The following LSAMP variants were observed in gnomAD, a reference collection of about 807,000 sequenced individuals.
The protein encoded by LSAMP is limbic system associated membrane protein.
LSAMP carries 7 observed loss-of-function variants against 38.6 expected under a neutral mutation model. That is an observed-to-expected ratio of 0.18 (90% CI 0.10 to 0.34). LSAMP has a LOEUF of 0.34. LSAMP is among the 10% of genes least tolerant of loss of function. LSAMP has a pLI of 1.00. For missense variants in LSAMP, 313 were observed against 420.0 expected (o/e 0.75, Z 2.23); for synonymous variants, 154 against 166.8 (o/e 0.92, Z 0.59).
chr3:115,961,374 C>T (rs149582843), intron 3 of LSAMP, among the ~76,000 whole-genome samples: 1 of 152,250 alleles, frequency 6.6e-6, no homozygotes, highest in Non-Finnish European at 1.5e-5. Context: ...TCCTCTTCTC[C>T]CAGGATGAGC....
At chr3:115,839,050 CCA>C (rs1225545428) in intron 6 of LSAMP, among the ~76,000 whole-genome samples, 2 of 152,140 alleles carry the variant, frequency 1.3e-5, no homozygotes, top group East Asian at 1.9e-4. Flanking sequence ...AGGGCCGTGG[CCA>C]CAGACACCTG....
At position 116,175,001 on chromosome 3, in the gene LSAMP, C is replaced by T. The variant is rs572413430; in HGVS notation, c.156-88445G>A. On this transcript the variant is annotated intron_variant, in intron 1 of 6. Coordinates refer to ENST00000490035, the MANE Select transcript of LSAMP (RefSeq NM_002338.5). ...CCACTATCCACCTTCTCAAATGTCTCCTCCATCAATATGAGGACAAGTCTA... is the reference window on the plus strand; with the variant it reads ...CCACTATCCACCTTCTCAAATGTCTTCTCCATCAATATGAGGACAAGTCTA... 2.6e-5 allele frequency among the ~76,000 whole-genome samples: 4 copies of T among 152,188 alleles called. No individual in the cohort carries two copies. In the South Asian group the frequency reaches 8.3e-4, roughly 32 times the overall value.
intron 2 of LSAMP, among the ~76,000 whole-genome samples, chr3:116,029,678 A>G (rs1350179824): frequency 6.6e-6 from 1 of 152,278 alleles, no homozygotes; most frequent in East Asian, 1.9e-4. Context: ...TATGGTCAAG[A>G]AAAAGTCATC....
rs1346588477 is a variant in LSAMP, at chr3:116,411,595, G to C, written c.155+33282C>G. Among the ~76,000 whole-genome samples the C allele has an allele frequency of 1.0e-4, 13 of 127,506 alleles. No homozygotes were observed. In the Admixed American group the frequency reaches 1.2e-3, roughly 12 times the overall value. 83.6% of individuals were successfully genotyped at this position (127,506 alleles called of 152,430 possible). A position where few individuals can be genotyped will look rare whatever the true frequency, so the allele number is the denominator to read the frequency against. On this transcript the variant is annotated intron_variant, in intron 1 of 6. Transcript: ENST00000490035. ...GAACAATGAGAACACACAGACACAGGAAGGGGAACATCTCACTCTGGGGAC... is the reference window on the plus strand; with the variant it reads ...GAACAATGAGAACACACAGACACAGCAAGGGGAACATCTCACTCTGGGGAC...
At chr3:116,400,700 A>C (rs2048828418) in intron 1 of LSAMP, among the ~76,000 whole-genome samples, 1 of 151,566 alleles carries the variant, frequency 6.6e-6, no homozygotes, top group Non-Finnish European at 1.5e-5. Context: ...CTGTTCTCAA[A>C]CTCCTGACCT....
intron 1 of LSAMP, among the ~76,000 whole-genome samples, chr3:116,317,535 T>A (rs1212332911): frequency 6.6e-6 from 1 of 151,888 alleles, no homozygotes; most frequent in South Asian, 2.1e-4. Flanking sequence ...TTTTGTATTT[T>A]CAGTAGAGAC....
At chr3:116,165,689 G>A (rs1328209949) in intron 1 of LSAMP, among the ~76,000 whole-genome samples, 2 of 152,182 alleles carry the variant, frequency 1.3e-5, no homozygotes, top group African/African-American at 4.8e-5. Flanking sequence ...AGAAATGTGA[G>A]CAGGGCAGGC....
At chr3:116,085,007 A>G (rs1707956567) in intron 2 of LSAMP, among the ~76,000 whole-genome samples, 1 of 151,938 alleles carries the variant, frequency 6.6e-6, no homozygotes, top group Non-Finnish European at 1.5e-5. Flanking sequence ...ATTTGTTTTG[A>G]GGGAGTTGGT....
intron 1 of LSAMP, among the ~76,000 whole-genome samples, chr3:116,150,971 C>T (rs965544799): frequency 2.0e-5 from 3 of 151,964 alleles, no homozygotes; most frequent in African/African-American, 7.2e-5. Context: ...TGGTGCCTTA[C>T]TGGATCCGTT....
chr3:116,173,773 G>A (rs1710266326), intron 1 of LSAMP, among the ~76,000 whole-genome samples: 1 of 97,758 alleles, frequency 1.0e-5, no homozygotes, highest in Non-Finnish European at 2.0e-5. Flanking sequence ...GAAGAAGAGG[G>A]GAAAACATTT....
chr3:116,273,251 C>T, intron 1 of LSAMP, among the ~76,000 whole-genome samples: 1 of 151,966 alleles, frequency 6.6e-6, no homozygotes, highest in East Asian at 1.9e-4. Context: ...CCACGGTTTC[C>T]CATTCTCATC....
rs571156595 is a variant in LSAMP, at chr3:116,146,376, G to A, written c.156-59820C>T. Among the ~76,000 whole-genome samples, 17 of 151,874 alleles carry A rather than the reference G, an allele frequency of 1.1e-4. No homozygotes were observed. The East Asian group carries it at 3.3e-3, about 30-fold the overall frequency. ...TCAGCTCTTTGCTACTTTTAAAATTGGGCTTGGAACAGAGCTATTAGCATG... is the reference window on the plus strand; with the variant it reads ...TCAGCTCTTTGCTACTTTTAAAATTAGGCTTGGAACAGAGCTATTAGCATG... On this transcript the variant is annotated intron_variant, in intron 1 of 6. Coordinates refer to ENST00000490035, the MANE Select transcript of LSAMP (RefSeq NM_002338.5).
chr3:116,140,781 GTATC>G (rs1460814285), intron 1 of LSAMP, among the ~76,000 whole-genome samples: 3 of 151,872 alleles, frequency 2.0e-5, no homozygotes, highest in Non-Finnish European at 4.4e-5. Flanking sequence ...GATAAAATGA[GTATC>G]TGAGATTCAT....
intron 1 of LSAMP, among the ~76,000 whole-genome samples, chr3:116,285,639 C>A (rs952762672): frequency 7.2e-5 from 11 of 152,132 alleles, no homozygotes; most frequent in Middle Eastern, 3.4e-3. Flanking sequence ...TATTTGCTGT[C>A]TTTTCTCATT....
At chr3:116,300,122 G>C (rs781191293) in intron 1 of LSAMP, among the ~76,000 whole-genome samples, 4 of 152,170 alleles carry the variant, frequency 2.6e-5, no homozygotes, top group Non-Finnish European at 5.9e-5. Flanking sequence ...GTTGGGCTCA[G>C]TAAACATTAC....
At chr3:116,124,039 T>C (rs982746976) in intron 1 of LSAMP, among the ~76,000 whole-genome samples, 4 of 152,212 alleles carry the variant, frequency 2.6e-5, no homozygotes, top group Non-Finnish European at 5.9e-5. Context: ...GTTGACTCTC[T>C]AGGCAGAGAA....
rs1230035104 is a variant in LSAMP, at chr3:116,445,002, T to C, written c.30A>G (p.Lys10=). 6.2e-7 allele frequency: 1 copy of C among 1,613,956 alleles called. No homozygotes were observed. The highest frequency in any genetic ancestry group is 1.1e-5 in the South Asian group (1 of 91,056). The change falls in exon 1 of 7, where the codon AAA becomes AAG. Residue 10 remains lysine, a synonymous_variant. Coordinates refer to ENST00000490035, the MANE Select transcript of LSAMP (RefSeq NM_002338.5). ...ATCTCAGTAGGACCAGTGGCAACTG[T>C]TTCCGATCCGGCTGAACTCTCCTGA... The part of the protein sequence containing the change: MVRRVQPDR[K]QLPLVLLRLL...
At chr3:115,812,538 C>G (rs1374023566) in intron 6 of LSAMP, among the ~76,000 whole-genome samples, 1 of 152,074 alleles carries the variant, frequency 6.6e-6, no homozygotes. Flanking sequence ...GCAACTTCCC[C>G]CAGGGCTTTT....
intron 1 of LSAMP, among the ~76,000 whole-genome samples, chr3:116,245,620 G>A (rs750863812): frequency 4.6e-5 from 7 of 151,982 alleles, no homozygotes; most frequent in Non-Finnish European, 8.8e-5. Context: ...AGTATGTATT[G>A]TTCCCTCTGC....
Sources: gnomAD v4.1 joint callset for allele counts (sites outside exome capture counted in the v4.1 genomes callset) on GRCh38, gnomAD v4.1.1 for gene constraint, MANE v1.5 for transcripts, NCBI Gene and HGNC (gene_info 2026-07-23, HGNC 2026-07-21) for gene names.